Variants in OSBPL1A observed in about 807,000 individuals in gnomAD.
The protein encoded by OSBPL1A is oxysterol-binding protein-related protein 1.
OSBPL1A carries 80 observed loss-of-function variants against 137.1 expected under a neutral mutation model. That is an observed-to-expected ratio of 0.58 (90% CI 0.49 to 0.70). The LOEUF (loss-of-function observed/expected upper bound fraction) is 0.70, where lower values mean the gene tolerates loss of function less well. Among genes scored for constraint, OSBPL1A ranks in the 30% least tolerant of loss-of-function variants. The pLI is 0.00. For missense variants in OSBPL1A, 970 were observed against 1,129.4 expected (o/e 0.86, Z 2.02); for synonymous variants, 365 against 389.7 (o/e 0.94, Z 0.75).
chr18:24,281,536 C>CGCTAT (rs1567998023), intron 14 of OSBPL1A, among the ~76,000 whole-genome samples: 2 of 151,762 alleles, frequency 1.3e-5, no homozygotes, highest in African/African-American at 4.8e-5. Flanking sequence ...TACAGGCACA[C>CGCTAT]GCTATCATGC....
intron 17 of OSBPL1A, among the ~76,000 whole-genome samples, chr18:24,224,265 T>TA (rs1345201021): frequency 6.6e-6 from 1 of 152,164 alleles, no homozygotes; most frequent in African/African-American, 2.4e-5. Context: ...GAAATGGAAT[T>TA]AGAGTTACAC....
intron 15 of OSBPL1A, among the ~76,000 whole-genome samples, chr18:24,279,151 G>C (rs1219936532): frequency 6.6e-6 from 1 of 151,120 alleles, no homozygotes; most frequent in Non-Finnish European, 1.5e-5. Context: ...ATGGAGGCTC[G>C]TGCCTGTAAT....
intron 15 of OSBPL1A, among the ~76,000 whole-genome samples, chr18:24,272,623 G>A (rs275874): frequency 0.55 from 84,270 of 152,012 alleles, 24,551 homozygotes; most frequent in African/African-American, 0.68. Flanking sequence ...TGGAGGGAAA[G>A]AAATCTTTTT....
In OSBPL1A at chr18:24,234,271, G is replaced by T. The variant is rs555995804; in HGVS notation, c.1444+4949C>A. ...CATGAATGTCTAGCCCTTTTCCCAG[G>T]AAGTGTTCCCTTACAGCTATATCCG... On this transcript the variant is annotated intron_variant, in intron 16 of 27. Transcript: ENST00000319481. Among the ~76,000 whole-genome samples, 3 of 152,172 alleles carry T rather than the reference G, an allele frequency of 2.0e-5. No homozygotes were observed. In the South Asian group the frequency reaches 6.2e-4, roughly 32 times the overall value.
chr18:24,322,500 C>A (rs913171597), intron 7 of OSBPL1A, among the ~76,000 whole-genome samples: 1 of 151,958 alleles, frequency 6.6e-6, no homozygotes, highest in Non-Finnish European at 1.5e-5. Flanking sequence ...TGATACATTA[C>A]TTCTTTAGTG....
chr18:24,364,469 C>A (rs2091673237), intron 4 of OSBPL1A, among the ~76,000 whole-genome samples: 2 of 152,176 alleles, frequency 1.3e-5, no homozygotes, highest in South Asian at 4.1e-4. Flanking sequence ...AAATACTATG[C>A]TGAAAGCCAG....
intron 16 of OSBPL1A, among the ~76,000 whole-genome samples, chr18:24,225,673 TTTAAAAAG>T (rs1454301857): frequency 5.0e-4 from 76 of 152,294 alleles, no homozygotes; most frequent in African/African-American, 1.8e-3. Context: ...TTAAAAATAC[TTTAAAAAG>T]GTCGGGTCAG....
intron 15 of OSBPL1A, among the ~76,000 whole-genome samples, chr18:24,252,128 TAGAG>T (rs1008285891): frequency 6.6e-6 from 1 of 151,098 alleles, no homozygotes. Context: ...AAAGAGGAGG[TAGAG>T]AAAGAGGGGT....
intron 14 of OSBPL1A, among the ~76,000 whole-genome samples, chr18:24,302,116 C>T (rs72479842): frequency 0.018 from 2,692 of 151,554 alleles, 66 homozygotes; most frequent in African/African-American, 0.058. Flanking sequence ...ACTTGTAGTC[C>T]CCAGCTACTC....
At chr18:24,202,140 G>C (rs918977153) in intron 17 of OSBPL1A, among the ~76,000 whole-genome samples, 6 of 152,058 alleles carry the variant, frequency 3.9e-5, no homozygotes, top group Non-Finnish European at 8.8e-5. Flanking sequence ...CTCTTTCATG[G>C]AGGCTATAAA....
chr18:24,171,755 C>T (rs2086293376), intron 22 of OSBPL1A, among the ~76,000 whole-genome samples: 1 of 152,152 alleles, frequency 6.6e-6, no homozygotes, highest in African/African-American at 2.4e-5. Context: ...TTTCTAGTAA[C>T]TCCTATGCCC....
chr18:24,334,194 G>A, intron 6 of OSBPL1A, 51 bp downstream of exon 6: 1 of 1,482,694 alleles, frequency 6.7e-7, no homozygotes, highest in African/African-American at 1.4e-5. Context: ...TTTTCCTGAA[G>A]TGTAAAGAAA....
chr18:24,199,217 G>A (rs190678389), intron 17 of OSBPL1A, among the ~76,000 whole-genome samples: 154 of 152,156 alleles, frequency 1.0e-3, no homozygotes, highest in African/African-American at 3.6e-3. Flanking sequence ...GATCCGAGGC[G>A]AGGCAAAGGT....
chr18:24,318,528 A>C, intron 9 of OSBPL1A, 73 bp downstream of exon 9: 1 of 1,281,724 alleles, frequency 7.8e-7, no homozygotes, highest in East Asian at 2.3e-5. Context: ...ATTTTTTAAA[A>C]GTTTTAAACA....
intron 14 of OSBPL1A, among the ~76,000 whole-genome samples, chr18:24,283,563 A>G (rs1342210884): frequency 6.6e-6 from 1 of 152,070 alleles, no homozygotes; most frequent in Non-Finnish European, 1.5e-5. Flanking sequence ...AAATAGCAAA[A>G]GAGACTACCA....
intron 4 of OSBPL1A, chr18:24,365,001 A>G (rs375272870): frequency 6.8e-6 from 1 of 146,332 alleles, no homozygotes; most frequent in Admixed American, 7.0e-5. Flanking sequence ...TGAAAGAGCG[A>G]GACCCTGTCT....
chr18:24,395,956 A>C (rs1238204213), intron 1 of OSBPL1A, among the ~76,000 whole-genome samples: 3 of 148,278 alleles, frequency 2.0e-5, no homozygotes, highest in South Asian at 4.5e-4. Context: ...TCTGTGGCTC[A>C]CACCTGTAAA....
At chr18:24,285,588 C>T (rs1020156406) in intron 14 of OSBPL1A, among the ~76,000 whole-genome samples, 5 of 152,052 alleles carry the variant, frequency 3.3e-5, no homozygotes, top group African/African-American at 1.2e-4. Flanking sequence ...AAGAAAAAAA[C>T]TGGATGAAGG....
intron 15 of OSBPL1A, among the ~76,000 whole-genome samples, chr18:24,257,541 A>G (rs275854): frequency 0.52 from 79,762 of 151,996 alleles, 21,800 homozygotes; most frequent in Middle Eastern, 0.63. Flanking sequence ...AGGAAACACT[A>G]GGGAAACTCT....
Sources: gnomAD v4.1 joint callset for allele counts (sites outside exome capture counted in the v4.1 genomes callset) on GRCh38, gnomAD v4.1.1 for gene constraint, MANE v1.5 for transcripts, NCBI Gene and HGNC (gene_info 2026-07-23, HGNC 2026-07-21) for gene names.